Variants in CCDC80 observed in about 807,000 individuals in gnomAD.
CCDC80 encodes the protein coiled-coil domain containing 80.
In CCDC80, 49 loss-of-function variants were observed where a neutral mutation model predicts 78.7. The observed-to-expected ratio is 0.62, with a 90% CI of 0.50 to 0.79. The LOEUF (loss-of-function observed/expected upper bound fraction) is 0.79. CCDC80 is among the 30% of genes least tolerant of loss of function. The pLI is 0.00. For synonymous variants in CCDC80, 488 were observed against 447.0 expected (o/e 1.09, Z -1.16); for missense variants, 1,205 against 1,198.6 (o/e 1.01, Z -0.08).
At chr3:112,606,398 TTTTTGTTTTGTTTTG>T (rs142395604) in intron 7 of CCDC80, among the ~76,000 whole-genome samples, 68 of 147,924 alleles carry the variant, frequency 4.6e-4, no homozygotes, top group African/African-American at 8.1e-4. Context: ...CAAGAGTCTT[TTTTTGTTTTGTTTTG>T]TTTTGTTTTG....
chr3:112,624,815 A>T (rs751427920), intron 3 of CCDC80, among the ~76,000 whole-genome samples: 51 of 152,310 alleles, frequency 3.3e-4, no homozygotes, highest in Admixed American at 2.4e-3. Flanking sequence ...TAAAGTTTGA[A>T]TACTTTATCT....
At chr3:112,618,889 G>T in intron 4 of CCDC80, 79 bp downstream of exon 4, 1 of 1,447,792 alleles carries the variant, frequency 6.9e-7, no homozygotes, top group South Asian at 1.2e-5. Flanking sequence ...CTCGTACATT[G>T]AATGGACTGT....
At chr3:112,613,219 G>A (rs1935666724) in intron 5 of CCDC80, among the ~76,000 whole-genome samples, 1 of 152,134 alleles carries the variant, frequency 6.6e-6, no homozygotes, top group African/African-American at 2.4e-5. Context: ...TGTCTTGCTT[G>A]TGCCTTAAGT....
chr3:112,621,346 C>A (rs1455275526), intron 3 of CCDC80, among the ~76,000 whole-genome samples: 1 of 152,168 alleles, frequency 6.6e-6, no homozygotes, highest in Non-Finnish European at 1.5e-5. Flanking sequence ...TTACCCTGTT[C>A]TCATTCTAAC....
At chr3:112,621,996 A>T (rs9861342) in intron 3 of CCDC80, among the ~76,000 whole-genome samples, 60,850 of 152,010 alleles carry the variant, frequency 0.4, 14,695 homozygotes, top group Non-Finnish European at 0.53. Context: ...TCTGTCTCTC[A>T]GAAAACCCAA....
chr3:112,623,715 T>C (rs867051287), intron 3 of CCDC80, among the ~76,000 whole-genome samples: 72 of 152,262 alleles, frequency 4.7e-4, no homozygotes, highest in African/African-American at 1.7e-3. Context: ...AGATCATTTA[T>C]GGCAGTATAA....
rs572848304 is a variant in CCDC80, at chr3:112,640,353, G to C, written c.-38C>G. 1.8e-5 allele frequency: 3 copies of C among 162,646 alleles called. No homozygotes were observed. The East Asian group carries it at 5.4e-4, about 29-fold the overall frequency. The allele number at this position is 162,646 out of a possible 1,614,324, so 10.1% of individuals were successfully genotyped here. A position where few individuals can be genotyped will look rare whatever the true frequency, so the allele number is the denominator to read the frequency against. ...TGGTGGCTCATAGAGATGGAATGCA[G>C]AGGGTTGCAAAAGAAATCAGAAGTT... is the stretch of plus-strand genomic sequence containing the variant. On this transcript the variant is annotated 5_prime_UTR_variant, in exon 1 of 8. Transcript: ENST00000206423.
chr3:112,619,142 C>T (rs1394330817), intron 3 of CCDC80, 38 bp from the exon 4 acceptor site: 3 of 1,512,580 alleles, frequency 2.0e-6, no homozygotes, highest in Non-Finnish European at 2.7e-6. Context: ...ATGGGTGTGG[C>T]AAGGCAGAAA....
intron 2 of CCDC80, among the ~76,000 whole-genome samples, chr3:112,630,898 A>G (rs1020106053): frequency 1.3e-5 from 2 of 152,100 alleles, no homozygotes; most frequent in Non-Finnish European, 2.9e-5. Flanking sequence ...TTGATATTGC[A>G]GTTTTCCAAC....
intron 3 of CCDC80, among the ~76,000 whole-genome samples, chr3:112,621,663 A>C (rs1273319931): frequency 6.6e-6 from 1 of 152,194 alleles, no homozygotes. Context: ...TGTAGTGGAC[A>C]CTGTGGTGTG....
Position 112,601,677 on chromosome 3 carries a change from C to CAAGAAAA in CCDC80, c.*3739_*3740insTTTTCTT, listed in dbSNP as rs1935376306. 1 of 86,338 alleles carries CAAGAAAA rather than the reference C, an allele frequency of 1.2e-5. No homozygotes were observed. The highest frequency in any genetic ancestry group is 5.2e-5 in the African/African-American group (1 of 19,312). 5.3% of individuals were successfully genotyped at this position (86,338 alleles called of 1,614,324 possible). ...CTGGGTGACAGAGTGAGACCCTCTCCAAAAAAAGAAAAAAAAAAAGAGAAA... is the reference window on the plus strand; with the variant it reads ...CTGGGTGACAGAGTGAGACCCTCTCCAAGAAAAAAAAAAAGAAAAAAAAAAAGAGAAA... On this transcript the variant is annotated 3_prime_UTR_variant, in exon 8 of 8. Transcript: ENST00000206423.
intron 2 of CCDC80, among the ~76,000 whole-genome samples, chr3:112,633,556 C>T (rs1936142024): frequency 6.6e-6 from 1 of 152,164 alleles, no homozygotes; most frequent in Admixed American, 6.5e-5. Context: ...GCCAACACTC[C>T]TCCGGTTATA....
chr3:112,616,560 T>A (rs1396202549), intron 5 of CCDC80, 150 bp downstream of exon 5: 2 of 801,524 alleles, frequency 2.5e-6, no homozygotes, highest in East Asian at 2.6e-5. Context: ...AGGACAAGAC[T>A]AAGCTCAGTG....
At chr3:112,618,447 AACCTGGGGGGTGG>A (rs1285606437) in intron 4 of CCDC80, among the ~76,000 whole-genome samples, 1 of 152,098 alleles carries the variant, frequency 6.6e-6, no homozygotes, top group African/African-American at 2.4e-5. Flanking sequence ...GAATGGCGTG[AACCTGGGGGGTGG>A]AGCTTGCAGT....
intron 2 of CCDC80, among the ~76,000 whole-genome samples, chr3:112,636,490 T>C (rs1227687316): frequency 1.3e-5 from 2 of 152,228 alleles, no homozygotes; most frequent in African/African-American, 2.4e-5. Context: ...ACAGACCTAC[T>C]ATCAATGTAA....
At position 112,599,000 on chromosome 3, in the gene CCDC80, A is replaced by G. The variant is rs1366504529; in HGVS notation, c.*6417T>C. On this transcript the variant is annotated 3_prime_UTR_variant, in exon 8 of 8. Coordinates refer to ENST00000206423, the MANE Select transcript of CCDC80 (RefSeq NM_199511.3). ...GAAGTCTGGGTTCCCTGAGAATTGG[A>G]CATCAGTTCAACCACAGGAAGCCTC... The G allele has an allele frequency of 6.6e-6, 1 of 152,224 alleles. No homozygotes were observed. Among genetic ancestry groups the G allele is most frequent in the African/African-American group, 2.4e-5 (1 of 41,442 alleles). The allele number at this position is 152,224 out of a possible 1,614,324, so 9.4% of individuals were successfully genotyped here.
chr3:112,612,428 A>C (rs1935650109), intron 5 of CCDC80, among the ~76,000 whole-genome samples: 1 of 152,182 alleles, frequency 6.6e-6, no homozygotes, highest in Non-Finnish European at 1.5e-5. Context: ...TGTCCCAGAC[A>C]CAACTAAGAG....
chr3:112,634,036 G>C (rs1388840611), intron 2 of CCDC80, among the ~76,000 whole-genome samples: 1 of 152,142 alleles, frequency 6.6e-6, no homozygotes, highest in Non-Finnish European at 1.5e-5. Context: ...AAGGAAGCCT[G>C]TTTGCATAAG....
At chr3:112,634,698 T>C (rs1936170140) in intron 2 of CCDC80, among the ~76,000 whole-genome samples, 2 of 152,240 alleles carry the variant, frequency 1.3e-5, no homozygotes, top group African/African-American at 4.8e-5. Flanking sequence ...TGTATTCATA[T>C]GTATTAATTT....
Sources: gnomAD v4.1 joint callset for allele counts (sites outside exome capture counted in the v4.1 genomes callset) on GRCh38, gnomAD v4.1.1 for gene constraint, MANE v1.5 for transcripts, NCBI Gene and HGNC (gene_info 2026-07-23, HGNC 2026-07-21) for gene names.